Variants in FSTL5 observed in about 807,000 individuals in gnomAD.
The protein encoded by FSTL5 is follistatin-related protein 5.
In FSTL5, 62 loss-of-function variants were observed where a neutral mutation model predicts 89.1. The observed-to-expected ratio is 0.70, with a 90% CI of 0.57 to 0.86. The LOEUF is 0.86. FSTL5 is among the 40% of genes least tolerant of loss of function. FSTL5 has a pLI of 0.00. For synonymous variants in FSTL5, 383 were observed against 346.2 expected (o/e 1.11, Z -1.18); for missense variants, 1,057 against 1,001.6 (o/e 1.06, Z -0.75).
intron 15 of FSTL5, among the ~76,000 whole-genome samples, chr4:161,415,442 A>G (rs1305733577): frequency 6.6e-6 from 1 of 151,924 alleles, no homozygotes; most frequent in East Asian, 1.9e-4. Context: ...ATTTGTAGAG[A>G]TGGTGTTTCA....
intron 7 of FSTL5, among the ~76,000 whole-genome samples, chr4:161,653,046 G>T (rs188945326): frequency 6.6e-6 from 1 of 152,050 alleles, no homozygotes; most frequent in South Asian, 2.1e-4. Flanking sequence ...TGGAATTATA[G>T]ACATTTCTTA....
intron 1 of FSTL5, among the ~76,000 whole-genome samples, chr4:162,128,606 T>C (rs1291083186): frequency 2.0e-5 from 3 of 152,170 alleles, no homozygotes; most frequent in South Asian, 2.1e-4. Context: ...TCCCAGCTTA[T>C]GACATTTTGT....
intron 3 of FSTL5, among the ~76,000 whole-genome samples, chr4:162,012,767 TATA>T (rs1175418261): frequency 1.3e-5 from 2 of 152,174 alleles, no homozygotes; most frequent in Non-Finnish European, 2.9e-5. Context: ...TGCTTAATAA[TATA>T]ATATTGAAGG....
chr4:161,668,788 A>C (rs1207442599), intron 6 of FSTL5, among the ~76,000 whole-genome samples: 1 of 152,166 alleles, frequency 6.6e-6, no homozygotes, highest in Non-Finnish European at 1.5e-5. Context: ...TATATAAAAA[A>C]TTTTAAAACT....
At chr4:162,136,059 T>A (rs996536958) in intron 1 of FSTL5, among the ~76,000 whole-genome samples, 3 of 152,038 alleles carry the variant, frequency 2.0e-5, no homozygotes, top group African/African-American at 7.2e-5. Context: ...AATTCAGAAA[T>A]GTGACTGAGT....
chr4:161,608,547 T>C (rs1440472410), intron 7 of FSTL5, among the ~76,000 whole-genome samples: 1 of 152,044 alleles, frequency 6.6e-6, no homozygotes, highest in Non-Finnish European at 1.5e-5. Flanking sequence ...GCAAATAAGT[T>C]ATATTTCATA....
In FSTL5 at chr4:161,480,983, A is replaced by G. The variant is rs774271837; in HGVS notation, c.1608+37T>C. On this transcript the variant is annotated intron_variant, in intron 13 of 15. Coordinates refer to ENST00000306100, the MANE Select transcript of FSTL5 (RefSeq NM_020116.5). Reference sequence around the variant, plus strand: ...TACTACAATGATATAAATATTTTTTAAAGATTTACTTTTTAAAAAGTAGTA... The same window carrying G: ...TACTACAATGATATAAATATTTTTTGAAGATTTACTTTTTAAAAAGTAGTA... The G allele has an allele frequency of 4.2e-6, 6 of 1,422,628 alleles. No individual in the cohort carries two copies. In the East Asian group the frequency reaches 9.5e-5, roughly 23 times the overall value. The allele number at this position is 1,422,628 out of a possible 1,614,324, so 88.1% of individuals were successfully genotyped here.
chr4:161,882,752 A>C (rs768432181), intron 4 of FSTL5, among the ~76,000 whole-genome samples: 40 of 152,068 alleles, frequency 2.6e-4, no homozygotes, highest in Non-Finnish European at 3.5e-4. Context: ...CCACATTTTC[A>C]TTTCCATTTA....
At chr4:162,092,898 G>A (rs1238806687) in intron 2 of FSTL5, among the ~76,000 whole-genome samples, 5 of 139,550 alleles carry the variant, frequency 3.6e-5, no homozygotes, top group East Asian at 4.4e-4. Context: ...GCAGTGAGCC[G>A]AGATCACACC....
chr4:161,693,160 C>T (rs1738011260), intron 6 of FSTL5, among the ~76,000 whole-genome samples: 1 of 152,134 alleles, frequency 6.6e-6, no homozygotes, highest in African/African-American at 2.4e-5. Flanking sequence ...GGAATAAATC[C>T]CACTTGTTCG....
intron 3 of FSTL5, among the ~76,000 whole-genome samples, chr4:161,991,839 G>A (rs931101544): frequency 6.6e-6 from 1 of 152,244 alleles, no homozygotes; most frequent in Non-Finnish European, 1.5e-5. Context: ...GGAAGTCCTA[G>A]GAGAATGAGA....
chr4:162,074,153 G>A (rs1579006279), intron 2 of FSTL5, among the ~76,000 whole-genome samples: 2 of 151,584 alleles, frequency 1.3e-5, no homozygotes, highest in African/African-American at 4.8e-5. Flanking sequence ...TAATTCCCAG[G>A]ACAGAAGTAT....
At chr4:161,733,627 T>C (rs943516555) in intron 6 of FSTL5, among the ~76,000 whole-genome samples, 3 of 152,072 alleles carry the variant, frequency 2.0e-5, no homozygotes, top group African/African-American at 7.2e-5. Flanking sequence ...TACTGATTGC[T>C]AAAGTCTTTC....
intron 1 of FSTL5, among the ~76,000 whole-genome samples, chr4:162,149,948 A>G (rs1250763990): frequency 6.6e-6 from 1 of 152,166 alleles, no homozygotes; most frequent in Non-Finnish European, 1.5e-5. Flanking sequence ...AAACAGATAT[A>G]TAACCACATT....
At chr4:161,952,961 A>T (rs1685902865) in intron 3 of FSTL5, among the ~76,000 whole-genome samples, 1 of 151,812 alleles carries the variant, frequency 6.6e-6, no homozygotes, top group African/African-American at 2.4e-5. Flanking sequence ...AGCATACATT[A>T]AATTATATGA....
At chr4:161,646,126 C>T (rs1045899640) in intron 7 of FSTL5, among the ~76,000 whole-genome samples, 3 of 148,362 alleles carry the variant, frequency 2.0e-5, no homozygotes, top group Non-Finnish European at 4.5e-5. Context: ...AATGAATAGC[C>T]TAAGGGGCAA....
intron 4 of FSTL5, among the ~76,000 whole-genome samples, chr4:161,856,192 C>T (rs1193100640): frequency 1.3e-5 from 2 of 151,654 alleles, no homozygotes; most frequent in Non-Finnish European, 2.9e-5. Flanking sequence ...TCTTGTGTAC[C>T]CAAAGCAATA....
intron 8 of FSTL5, among the ~76,000 whole-genome samples, chr4:161,566,135 T>TATATATATATACAC (rs1267325201): frequency 3.6e-5 from 2 of 55,158 alleles, no homozygotes; most frequent in South Asian, 8.4e-4. Flanking sequence ...TATATATATA[T>TATATATATATACAC]ACACACACAC....
rs117563275 is a variant in FSTL5 at position 161,526,171 on chromosome 4, T to A, written c.1312+11995A>T. Reference sequence around the variant, plus strand: ...ATAACTCTGAAATTACATTTTGACATTAACATTAGTATAACTTGTATGATA... The same window carrying A: ...ATAACTCTGAAATTACATTTTGACAATAACATTAGTATAACTTGTATGATA... On this transcript the variant is annotated intron_variant, in intron 10 of 15. Transcript: ENST00000306100. Among the ~76,000 whole-genome samples the A allele has an allele frequency of 6.1e-4, 93 of 152,304 alleles. 1 individual carries two copies. In the East Asian group the frequency reaches 0.017, roughly 28 times the overall value.
Sources: gnomAD v4.1 joint callset for allele counts (sites outside exome capture counted in the v4.1 genomes callset) on GRCh38, gnomAD v4.1.1 for gene constraint, MANE v1.5 for transcripts, NCBI Gene and HGNC (gene_info 2026-07-23, HGNC 2026-07-21) for gene names.